PRKCE: variants seen among roughly 807,000 people sequenced by gnomAD.
The protein encoded by PRKCE is protein kinase C epsilon.
In PRKCE, 16 loss-of-function variants were observed where a neutral mutation model predicts 85.4. That is an observed-to-expected ratio of 0.19 (90% CI 0.13 to 0.28). The LOEUF (loss-of-function observed/expected upper bound fraction) is 0.28, where lower values mean the gene tolerates loss of function less well. PRKCE is among the 10% of genes least tolerant of loss of function. The pLI is 1.00. For missense variants in PRKCE, 573 were observed against 975.2 expected, an observed-to-expected ratio of 0.59 and a Z score of 5.49; for synonymous variants, 388 against 371.5, an observed-to-expected ratio of 1.04 and a Z score of -0.51.
chr2:45,716,675 A>G (rs1401736075), intron 1 of PRKCE, among the ~76,000 whole-genome samples: 1 of 141,368 alleles, frequency 7.1e-6, no homozygotes, highest in Non-Finnish European at 1.5e-5. Context: ...GAAAAAGAAG[A>G]AGAAGAAGAA....
At chr2:45,991,158 C>T (rs940164566) in intron 6 of PRKCE, among the ~76,000 whole-genome samples, 19 of 151,992 alleles carry the variant, frequency 1.3e-4, no homozygotes, top group African/African-American at 4.6e-4. Flanking sequence ...AGGCACCTGC[C>T]ACCACGCCCG....
chr2:45,678,990 G>C (rs1171323361), intron 1 of PRKCE, among the ~76,000 whole-genome samples: 1 of 152,112 alleles, frequency 6.6e-6, no homozygotes, highest in Non-Finnish European at 1.5e-5. Context: ...GGCTTACATT[G>C]ATTTTGAAAG....
rs1685579915 is a variant in PRKCE at position 45,774,296 on chromosome 2, C to G, written c.349-68704C>G. On this transcript the variant is annotated intron_variant, in intron 1 of 14. Coordinates refer to ENST00000306156, the MANE Select transcript of PRKCE (RefSeq NM_005400.3). This position sits in a 1 kb window ranked among gnomAD's most constrained non-coding sequence, Gnocchi z 4.3. ...TCACGGGAGGTGATCGGACACCAGCCTGGCAGGGCAGCCTCATCTCATCTT... is the reference window on the plus strand; with the variant it reads ...TCACGGGAGGTGATCGGACACCAGCGTGGCAGGGCAGCCTCATCTCATCTT... Among the ~76,000 whole-genome samples the G allele has an allele frequency of 1.3e-5, 2 of 152,178 alleles. No individual in the cohort carries two copies. Among genetic ancestry groups the G allele is most frequent in the African/African-American group, 4.8e-5 (2 of 41,450 alleles).
intron 10 of PRKCE, among the ~76,000 whole-genome samples, chr2:46,019,766 A>AT (rs1016176982): frequency 6.1e-4 from 84 of 137,474 alleles, no homozygotes; most frequent in East Asian, 2.3e-3. Flanking sequence ...GCTAGGAGGC[A>AT]TTTTTTTTTT....
chr2:45,838,073 G>C (rs1201288281), intron 1 of PRKCE, among the ~76,000 whole-genome samples: 3 of 152,198 alleles, frequency 2.0e-5, no homozygotes, highest in East Asian at 3.9e-4. Context: ...ATTCACATGA[G>C]AGGCACTCTC....
chr2:45,756,347 G>C (rs1185689566), intron 1 of PRKCE, among the ~76,000 whole-genome samples: 1 of 152,188 alleles, frequency 6.6e-6, no homozygotes, highest in Non-Finnish European at 1.5e-5. Context: ...AGGAAATAGT[G>C]GGGTGGATTA....
chr2:45,867,762 T>C (rs1178456956), intron 2 of PRKCE, among the ~76,000 whole-genome samples: 4 of 152,212 alleles, frequency 2.6e-5, no homozygotes, highest in Non-Finnish European at 5.9e-5. Flanking sequence ...TGCTAATGTG[T>C]TTTTAAGTTC....
intron 11 of PRKCE, among the ~76,000 whole-genome samples, chr2:46,141,540 T>C (rs1675531451): frequency 6.6e-6 from 1 of 152,210 alleles, no homozygotes; most frequent in African/African-American, 2.4e-5. Flanking sequence ...TTTTACTGCA[T>C]GCCCTTTCAT....
chr2:45,958,441 AGAGCTTGCAGT>A (rs1701127376), intron 2 of PRKCE, among the ~76,000 whole-genome samples: 1 of 150,496 alleles, frequency 6.6e-6, no homozygotes, highest in Non-Finnish European at 1.5e-5. Flanking sequence ...ACCGGGAGGC[AGAGCTTGCAGT>A]GAGCTGAGAT....
intron 10 of PRKCE, among the ~76,000 whole-genome samples, chr2:46,072,764 AG>A (rs1668188259): frequency 6.6e-6 from 1 of 152,208 alleles, no homozygotes; most frequent in African/African-American, 2.4e-5. Context: ...TACCTCTTGT[AG>A]GAAGCCATGG....
intron 11 of PRKCE, among the ~76,000 whole-genome samples, chr2:46,092,823 C>G (rs574391201): frequency 6.6e-6 from 1 of 152,268 alleles, no homozygotes; most frequent in South Asian, 2.1e-4. Context: ...GCCTTAATCT[C>G]TGGAATCATA....
rs1696884432 is a variant in PRKCE, at chr2:45,905,221, G to A, written c.412+62158G>A. Among the ~76,000 whole-genome samples the A allele has an allele frequency of 6.6e-6, 1 of 152,178 alleles. No individual in the cohort carries two copies. Among genetic ancestry groups the A allele is most frequent in the Admixed American group, 6.5e-5 (1 of 15,284 alleles). On this transcript the variant is annotated intron_variant, in intron 2 of 14. Transcript: ENST00000306156. This position sits in a 1 kb window ranked among gnomAD's most constrained non-coding sequence, Gnocchi z 4.4. ...TCCTTGACTTATGGCCAAGCCTCAG[G>A]AACCTCTTGGCTGGCTCTCCAACAT...
At chr2:45,798,786 T>C (rs1299061045) in intron 1 of PRKCE, among the ~76,000 whole-genome samples, 1 of 151,940 alleles carries the variant, frequency 6.6e-6, no homozygotes, top group East Asian at 1.9e-4. Flanking sequence ...TTTTACCTGT[T>C]TTCAGTGTTT....
At chr2:45,835,238 G>T (rs897393917) in intron 1 of PRKCE, among the ~76,000 whole-genome samples, 3 of 152,214 alleles carry the variant, frequency 2.0e-5, no homozygotes, top group Non-Finnish European at 4.4e-5. Flanking sequence ...ATCCTTATGC[G>T]AAATAAATCG....
chr2:45,940,731 C>A (rs910527279), intron 2 of PRKCE, among the ~76,000 whole-genome samples: 1 of 152,150 alleles, frequency 6.6e-6, no homozygotes, highest in African/African-American at 2.4e-5. Context: ...CATACATATA[C>A]CTTTTGCTTA....
chr2:45,908,778 G>A (rs1697172513), intron 2 of PRKCE, among the ~76,000 whole-genome samples: 2 of 152,190 alleles, frequency 1.3e-5, no homozygotes, highest in Non-Finnish European at 2.9e-5. Context: ...ATCTCTCCGG[G>A]AGAATGTTGC....
intron 1 of PRKCE, among the ~76,000 whole-genome samples, chr2:45,659,840 T>TC (rs201281244): frequency 6.6e-6 from 1 of 151,724 alleles, no homozygotes; most frequent in Non-Finnish European, 1.5e-5. Context: ...TTCCTGCCTT[T>TC]TTTTTTTTTT....
At chr2:45,827,318 A>C (rs141029181) in intron 1 of PRKCE, among the ~76,000 whole-genome samples, 51 of 152,358 alleles carry the variant, frequency 3.3e-4, no homozygotes, top group African/African-American at 1.2e-3. Flanking sequence ...TGGAAATCTA[A>C]TATCTAGGAT....
intron 10 of PRKCE, among the ~76,000 whole-genome samples, chr2:46,050,182 G>A (rs561997360): frequency 1.3e-4 from 20 of 152,300 alleles, no homozygotes; most frequent in East Asian, 5.8e-4. Context: ...CACATTTACC[G>A]TTCACAAGAA....
Sources: gnomAD v4.1 joint callset for allele counts (sites outside exome capture counted in the v4.1 genomes callset) on GRCh38, gnomAD v4.1.1 for gene constraint, Gnocchi (gnomAD v3.1) non-coding constraint, MANE v1.5 for transcripts, NCBI Gene and HGNC (gene_info 2026-07-23, HGNC 2026-07-21) for gene names.